Variants in UGT3A1 observed in about 807,000 individuals in gnomAD.
UGT3A1 encodes UDP-glycosyltransferase 3A1.
A neutral mutation model predicts 37.6 loss-of-function variants in UGT3A1; 40 were observed. The observed-to-expected ratio is 1.06, with a 90% confidence interval of 0.83 to 1.38. UGT3A1 has a LOEUF of 1.38. UGT3A1 is among the 40% of genes most tolerant of loss of function. The probability of loss-of-function intolerance (pLI) is 0.00; values close to 1 mark genes in which losing one functional copy is unlikely to be tolerated. For synonymous variants in UGT3A1, 256 were observed against 232.3 expected (o/e 1.10, Z -0.93); for missense variants, 642 against 634.2 (o/e 1.01, Z -0.13).
intron 6 of UGT3A1, chr5:35,955,290 C>T (rs569902871): frequency 1.1e-5 from 5 of 453,356 alleles, no homozygotes; most frequent in East Asian, 3.9e-5. Flanking sequence ...GCAGCACAGA[C>T]GAAGAAGCCA....
rs552549435 is a variant in UGT3A1 at position 35,956,497 on chromosome 5, G to C, written c.1076-633C>G. Among the ~76,000 whole-genome samples, 34 of 152,246 alleles carry C rather than the reference G, an allele frequency of 2.2e-4. 1 individual carries two copies. In the South Asian group the frequency reaches 6.8e-3, roughly 31 times the overall value. On this transcript the variant is annotated intron_variant, in intron 5 of 6. Coordinates refer to ENST00000274278, the MANE Select transcript of UGT3A1 (RefSeq NM_152404.4). ...TATCTTAATTTACCAAGCTGACTTT[G>C]AGCCATAAACTTAGTTATGAATCTC... is the stretch of plus-strand genomic sequence containing the variant.
At chr5:35,961,526 G>A (rs1739583874) in intron 4 of UGT3A1, 1 of 152,200 alleles carries the variant, frequency 6.6e-6, no homozygotes, top group South Asian at 2.1e-4. Flanking sequence ...TTTCACCCTG[G>A]TGAAAGAAAT....
At chr5:35,998,551 C>G (rs1014956456) in intron 1 of UGT3A1, among the ~76,000 whole-genome samples, 3 of 152,232 alleles carry the variant, frequency 2.0e-5, no homozygotes, top group African/African-American at 7.2e-5. Flanking sequence ...TCCAGCCACT[C>G]TCTTGCTGGG....
chr5:35,990,876 T>G, intron 1 of UGT3A1: 19 of 1,251,444 alleles, frequency 1.5e-5, no homozygotes, highest in Non-Finnish European at 1.8e-5. Context: ...CTCAAATTTC[T>G]GGCCCCAGTC....
chr5:35,962,863 G>T (rs1739645597), intron 4 of UGT3A1: 1 of 702,436 alleles, frequency 1.4e-6, no homozygotes, highest in Non-Finnish European at 2.6e-6. Context: ...TTTTCCTCCA[G>T]ATTCTGAGGG....
chr5:35,974,127 T>C (rs1387711309), intron 2 of UGT3A1, among the ~76,000 whole-genome samples: 1 of 152,116 alleles, frequency 6.6e-6, no homozygotes, highest in Non-Finnish European at 1.5e-5. Context: ...ACCAGAAATA[T>C]ATACTGTTAA....
intron 1 of UGT3A1, among the ~76,000 whole-genome samples, chr5:35,989,188 T>C (rs762703832): frequency 3.9e-5 from 6 of 152,210 alleles, no homozygotes; most frequent in African/African-American, 7.2e-5. Flanking sequence ...ATTAAGATAT[T>C]TGAGGACAAC....
chr5:35,989,076 G>A (rs1469400441), intron 1 of UGT3A1, among the ~76,000 whole-genome samples: 1 of 152,170 alleles, frequency 6.6e-6, no homozygotes, highest in Non-Finnish European at 1.5e-5. Context: ...GTGAGTCTAA[G>A]AAACTGCCAT....
intron 1 of UGT3A1, among the ~76,000 whole-genome samples, chr5:35,999,880 T>C (rs1741181093): frequency 6.6e-6 from 1 of 152,174 alleles, no homozygotes; most frequent in Non-Finnish European, 1.5e-5. Context: ...TTGAAGCTTT[T>C]CCCTGCAGGC....
chr5:35,994,283 G>A (rs538905446), upstream of UGT3A1, among the ~76,000 whole-genome samples: 1 of 150,376 alleles, frequency 6.6e-6, no homozygotes, highest in Non-Finnish European at 1.5e-5. Context: ...ATTATTGTTA[G>A]TTTTGCTTAA....
At chr5:35,962,148 G>T (rs1739611537) in intron 4 of UGT3A1, 1 of 152,170 alleles carries the variant, frequency 6.6e-6, no homozygotes, top group Non-Finnish European at 1.5e-5. Flanking sequence ...TCTGCTACTT[G>T]CAGAGCAGCC....
At chr5:35,966,756 T>C (rs553659210) in intron 3 of UGT3A1, among the ~76,000 whole-genome samples, 3 of 152,190 alleles carry the variant, frequency 2.0e-5, no homozygotes, top group Admixed American at 6.5e-5. Flanking sequence ...CCTAATCACA[T>C]GAAGAATGGA....
chr5:35,961,166 C>T (rs1479105367), intron 4 of UGT3A1: 1 of 152,170 alleles, frequency 6.6e-6, no homozygotes, highest in Non-Finnish European at 1.5e-5. Flanking sequence ...TCTCTGTCTC[C>T]TAGCCGTATC....
At chr5:35,968,965 A>C (rs973518605) in intron 2 of UGT3A1, among the ~76,000 whole-genome samples, 16 of 152,238 alleles carry the variant, frequency 1.1e-4, no homozygotes, top group Non-Finnish European at 2.1e-4. Context: ...CTCAAACCAA[A>C]GCTATCTGTA....
chr5:35,969,566 G>A (rs1453839713), intron 2 of UGT3A1, among the ~76,000 whole-genome samples: 2 of 152,096 alleles, frequency 1.3e-5, no homozygotes, highest in Admixed American at 6.5e-5. Context: ...GGAGGGGGAC[G>A]GGTGGGATGC....
intron 4 of UGT3A1, chr5:35,962,655 C>T (rs1739634408): frequency 1.9e-6 from 1 of 530,700 alleles, no homozygotes; most frequent in African/African-American, 1.9e-5. Flanking sequence ...CATGTGGGGC[C>T]TCAGGCCATT....
chr5:35,956,092 A>T (rs756684084), intron 5 of UGT3A1, among the ~76,000 whole-genome samples: 2 of 152,210 alleles, frequency 1.3e-5, no homozygotes, highest in Non-Finnish European at 2.9e-5. Flanking sequence ...AAGACTCTGA[A>T]TGCAGGGAAA....
intron 2 of UGT3A1, among the ~76,000 whole-genome samples, chr5:35,977,564 T>A (rs1308303009): frequency 6.6e-6 from 1 of 152,152 alleles, no homozygotes; most frequent in Non-Finnish European, 1.5e-5. Flanking sequence ...GCTCCCTCTC[T>A]CATCATGTGA....
Position 35,954,433 on chromosome 5 carries a change from C to T in UGT3A1, c.1341G>A (p.Gln447=). 1.2e-6 allele frequency: 2 copies of T among 1,614,206 alleles called. No homozygotes were observed. Among genetic ancestry groups the T allele is most frequent in the East Asian group, 2.2e-5 (1 of 44,866 alleles). ...CCAGCCGCTGTGCGGGGCTCAGGGG[C>T]TGAGAGTGCAGGATGACACTGGCTG... ...VVAASVILHS[Q]PLSPAQRLVG... The change falls in exon 7 of 7, where the codon CAG becomes CAA. Residue 447 remains glutamine, a synonymous_variant. Coordinates refer to ENST00000274278, the MANE Select transcript of UGT3A1 (RefSeq NM_152404.4).
Sources: gnomAD v4.1 joint callset for allele counts (sites outside exome capture counted in the v4.1 genomes callset) on GRCh38, gnomAD v4.1.1 for gene constraint, MANE v1.5 for transcripts, NCBI Gene and HGNC (gene_info 2026-07-23, HGNC 2026-07-21) for gene names.